The following FAT3 variants were observed in gnomAD, a reference collection of about 807,000 sequenced individuals.
FAT3 encodes protocadherin Fat 3.
FAT3 carries 95 observed loss-of-function variants against 310.2 expected under a neutral mutation model. The ratio of observed to expected loss-of-function variants is 0.31; its 90% CI spans 0.26 to 0.36. The LOEUF (loss-of-function observed/expected upper bound fraction) is 0.36. Ranked by LOEUF, FAT3 falls within the 10% of genes least tolerant of loss-of-function variation. The pLI is 1.00. For synonymous variants in FAT3, 2,314 were observed against 2,192.9 expected, an observed-to-expected ratio of 1.06 and a Z score of -1.54; for missense variants, 5,408 against 5,715.6, an observed-to-expected ratio of 0.95 and a Z score of 1.74.
intron 1 of FAT3, among the ~76,000 whole-genome samples, chr11:92,273,801 G>T (rs1490634978): frequency 6.6e-6 from 1 of 152,088 alleles, no homozygotes; most frequent in Non-Finnish European, 1.5e-5. Context: ...GATACAAAAT[G>T]ATGTCCTTAT....
intron 2 of FAT3, among the ~76,000 whole-genome samples, chr11:92,367,772 C>A (rs557553345): frequency 7.4e-4 from 112 of 152,220 alleles, no homozygotes; most frequent in Non-Finnish European, 1.5e-3. Context: ...CATCCTTCGG[C>A]ATTGTGGGAT....
At chr11:92,749,013 A>G (rs577357392) in intron 4 of FAT3, 3 of 152,348 alleles carry the variant, frequency 2.0e-5, no homozygotes, top group Non-Finnish European at 4.4e-5. Flanking sequence ...TTCCAGCCTC[A>G]ACCTTTATAA....
intron 9 of FAT3, among the ~76,000 whole-genome samples, chr11:92,795,248 A>G (rs532124881): frequency 2.6e-4 from 40 of 152,258 alleles, no homozygotes; most frequent in African/African-American, 9.4e-4. Flanking sequence ...CAAGATGCAT[A>G]TGAATAGAGA....
chr11:92,381,196 C>T (rs1011449392), intron 2 of FAT3, among the ~76,000 whole-genome samples: 1 of 152,178 alleles, frequency 6.6e-6, no homozygotes, highest in Non-Finnish European at 1.5e-5. Flanking sequence ...GGCACTGGAA[C>T]TTCTTTTATA....
Position 92,774,099 on chromosome 11 carries a change from A to G in FAT3, c.4254A>G (p.Ala1418=). The change falls in exon 7 of 28, where the codon GCA becomes GCG. Residue 1418 remains alanine (A), a synonymous_variant. Coordinates refer to ENST00000525166, the MANE Select transcript of FAT3 (RefSeq NM_001367949.2). The stretch of plus-strand genomic sequence containing the variant: ...AGGGTGTTGGGACAATTGTCATCGC[A>G]AAACCTTTGGATGCAGAGCAGAGGT... ...AEKGVGTIVI[A]KPLDAEQRSI... 1 of 1,613,800 alleles carries G rather than the reference A, an allele frequency of 6.2e-7. No individual in the cohort carries two copies. The highest frequency in any genetic ancestry group is 8.5e-7 in the Non-Finnish European group (1 of 1,179,740).
chr11:92,395,613 C>T (rs1047876513), intron 2 of FAT3, among the ~76,000 whole-genome samples: 2 of 150,532 alleles, frequency 1.3e-5, no homozygotes, highest in African/African-American at 2.5e-5. Context: ...GAGTCTCGCT[C>T]TGTCACCCAG....
At chr11:92,392,271 T>TATTACA (rs1489929370) in intron 2 of FAT3, among the ~76,000 whole-genome samples, 4 of 152,198 alleles carry the variant, frequency 2.6e-5, no homozygotes, top group Admixed American at 1.3e-4. Context: ...TTGTTACTAG[T>TATTACA]ATTACAAAAT....
At chr11:92,350,994 T>C (rs934142269) in intron 1 of FAT3, among the ~76,000 whole-genome samples, 1 of 152,108 alleles carries the variant, frequency 6.6e-6, no homozygotes, top group Non-Finnish European at 1.5e-5. Context: ...CCTTTCTCCC[T>C]TCTCCTTGAT....
chr11:92,677,577 T>G (rs1943328115), intron 3 of FAT3, among the ~76,000 whole-genome samples: 1 of 152,196 alleles, frequency 6.6e-6, no homozygotes, highest in African/African-American at 2.4e-5. Context: ...GAAAAGAGCT[T>G]TATTTCTTGC....
At chr11:92,842,107 A>T (rs550168326) in intron 18 of FAT3, among the ~76,000 whole-genome samples, 4 of 152,298 alleles carry the variant, frequency 2.6e-5, no homozygotes, top group Non-Finnish European at 5.9e-5. Flanking sequence ...ACAGCCTGGC[A>T]TGGTTGTGAT....
intron 10 of FAT3, among the ~76,000 whole-genome samples, chr11:92,803,323 C>T (rs1947417315): frequency 6.6e-6 from 1 of 152,104 alleles, no homozygotes; most frequent in Admixed American, 6.6e-5. Context: ...TGCCAACCAC[C>T]AACTGATTTT....
intron 3 of FAT3, among the ~76,000 whole-genome samples, chr11:92,649,006 C>G (rs942434248): frequency 1.4e-4 from 21 of 152,190 alleles, no homozygotes; most frequent in African/African-American, 5.1e-4. Flanking sequence ...TGAGTCCCAC[C>G]TGCTCCATTT....
chr11:92,744,373 A>G (rs931051106), intron 4 of FAT3, among the ~76,000 whole-genome samples: 2 of 152,226 alleles, frequency 1.3e-5, no homozygotes, highest in African/African-American at 4.8e-5. Flanking sequence ...AGAGATTGTT[A>G]TCAAGACCTC....
intron 3 of FAT3, among the ~76,000 whole-genome samples, chr11:92,544,106 T>A (rs146593128): frequency 3.3e-4 from 51 of 152,320 alleles, no homozygotes; most frequent in African/African-American, 1.2e-3. Flanking sequence ...TCAGCCCTTG[T>A]GTAGAGAAGA....
chr11:92,793,765 T>C (rs1319860095), intron 9 of FAT3, among the ~76,000 whole-genome samples: 2 of 152,216 alleles, frequency 1.3e-5, no homozygotes, highest in Non-Finnish European at 2.9e-5. Context: ...CTGCAACTTA[T>C]GTCTGTCGTG....
chr11:92,778,738 G>A (rs1244265386), intron 7 of FAT3, among the ~76,000 whole-genome samples: 1 of 151,958 alleles, frequency 6.6e-6, no homozygotes, highest in Non-Finnish European at 1.5e-5. Flanking sequence ...AAAAATTTCA[G>A]CATGCAGCCC....
chr11:92,667,309 T>G (rs1339041375), intron 3 of FAT3, among the ~76,000 whole-genome samples: 1 of 152,180 alleles, frequency 6.6e-6, no homozygotes, highest in Non-Finnish European at 1.5e-5. Flanking sequence ...AGTTCTTTCC[T>G]GTGCCTGGCA....
At chr11:92,840,785 C>A (rs375426007) in intron 18 of FAT3, 26 bp downstream of exon 18, 3 of 1,498,962 alleles carry the variant, frequency 2.0e-6, no homozygotes, top group South Asian at 2.8e-5. Flanking sequence ...CTGTCTCCGT[C>A]GTGCTGTCTT....
chr11:92,355,639 T>C (rs1948710273), intron 2 of FAT3, among the ~76,000 whole-genome samples: 1 of 152,176 alleles, frequency 6.6e-6, no homozygotes. Flanking sequence ...GTTTTGTTAT[T>C]TTCTTGCTCA....
Sources: allele counts gnomAD v4.1 joint callset (sites outside exome capture counted in the v4.1 genomes callset), GRCh38; gene constraint gnomAD v4.1.1; transcripts MANE v1.5; gene names NCBI Gene and HGNC (gene_info 2026-07-23, HGNC 2026-07-21).